The following TTYH2 variants were observed in gnomAD, a reference collection of about 807,000 sequenced individuals.
TTYH2 encodes protein tweety homolog 2.
Under a neutral mutation model 68.3 loss-of-function variants are expected in TTYH2, and 49 were observed. That is an observed-to-expected ratio of 0.72 (90% CI 0.57 to 0.91). The LOEUF (loss-of-function observed/expected upper bound fraction) is 0.91, where lower values mean the gene tolerates loss of function less well. Ranked by LOEUF, TTYH2 falls within the 40% of genes least tolerant of loss-of-function variation. The pLI, the probability that TTYH2 is intolerant of heterozygous loss-of-function variation, is 0.00. For synonymous variants in TTYH2, 272 were observed against 300.8 expected (o/e 0.90, Z 0.99); for missense variants, 631 against 700.4 (o/e 0.90, Z 1.12).
intron 2 of TTYH2, among the ~76,000 whole-genome samples, chr17:74,230,602 AC>A (rs2050378444): frequency 1.3e-5 from 2 of 151,480 alleles, no homozygotes; most frequent in Non-Finnish European, 2.9e-5. Context: ...TCTACTGTCC[AC>A]TTAATTTTGC....
At position 74,232,089 on chromosome 17, in the gene TTYH2, C is replaced by T. The variant is rs1295461205; in HGVS notation, c.414+1090C>T. ...ACACACGTCATTCTCACTCTAAGCACCAGACCTTTTCAGCTGCTTATCCGA... is the reference window on the plus strand; with the variant it reads ...ACACACGTCATTCTCACTCTAAGCATCAGACCTTTTCAGCTGCTTATCCGA... On this transcript the variant is annotated intron_variant, in intron 3 of 13. Transcript: ENST00000269346. The surrounding 1 kb of genome is among the most constrained non-coding windows in gnomAD (Gnocchi z 5.1). 2.0e-5 allele frequency among the ~76,000 whole-genome samples: 3 copies of T among 152,212 alleles called. No individual in the cohort carries two copies. Among genetic ancestry groups the T allele is most frequent in the African/African-American group, 7.2e-5 (3 of 41,452 alleles).
At chr17:74,253,701 A>ACACACCCCCACTCC in intron 12 of TTYH2, 54 bp from the exon 13 acceptor site, 4 of 1,577,262 alleles carry the variant, frequency 2.5e-6, no homozygotes, top group Non-Finnish European at 3.5e-6. Flanking sequence ...AGAAATCTAC[A>ACACACCCCCACTCC]CACACCCCCA....
chr17:74,250,987 G>T (rs570523082), intron 10 of TTYH2, among the ~76,000 whole-genome samples: 82 of 152,260 alleles, frequency 5.4e-4, no homozygotes, highest in African/African-American at 1.9e-3. Context: ...CTAGGAAATT[G>T]ACTTGCTTGT....
intron 2 of TTYH2, among the ~76,000 whole-genome samples, chr17:74,227,043 C>T (rs1162740854): frequency 6.6e-6 from 1 of 152,258 alleles, no homozygotes; most frequent in Non-Finnish European, 1.5e-5. Context: ...GGCACGATCT[C>T]AGCTCACTGC....
At chr17:74,250,165 C>A in intron 9 of TTYH2, 100 bp from the exon 10 acceptor site, 2 of 1,463,464 alleles carry the variant, frequency 1.4e-6, no homozygotes, top group Non-Finnish European at 1.9e-6. Flanking sequence ...CGGCTCCCTC[C>A]CTTGGCTCTA....
intron 3 of TTYH2, among the ~76,000 whole-genome samples, chr17:74,236,215 C>T (rs1221982003): frequency 1.3e-5 from 2 of 152,212 alleles, no homozygotes; most frequent in African/African-American, 4.8e-5. Context: ...CCTCCTGCCT[C>T]ATGTCCAGGC....
intron 13 of TTYH2, 29 bp downstream of exon 13, chr17:74,253,862 G>A (rs761193945): frequency 1.2e-6 from 2 of 1,611,232 alleles, no homozygotes; most frequent in South Asian, 1.1e-5. Flanking sequence ...CTTCCTTGTT[G>A]GGGTAATACA....
chr17:74,227,349 A>G (rs563739861), intron 2 of TTYH2, among the ~76,000 whole-genome samples: 1 of 152,306 alleles, frequency 6.6e-6, no homozygotes, highest in South Asian at 2.1e-4. Context: ...GCCCGAGAGA[A>G]TAGAAGGATG....
Position 74,215,425 on chromosome 17 carries a change from C to T in TTYH2, c.129+1709C>T, listed in dbSNP as rs1029366170. 1.3e-5 allele frequency among the ~76,000 whole-genome samples: 2 copies of T among 152,208 alleles called. No homozygotes were observed. Among genetic ancestry groups the T allele is most frequent in the African/African-American group, 4.8e-5 (2 of 41,462 alleles). ...ATCCTGGGCCTGCCCACAGCCCCCTCAGTCCCATGGGCAGGTGGCAGTTGA... is the reference window on the plus strand; with the variant it reads ...ATCCTGGGCCTGCCCACAGCCCCCTTAGTCCCATGGGCAGGTGGCAGTTGA... On this transcript the variant is annotated intron_variant, in intron 1 of 13. Transcript: ENST00000269346. This position sits in a 1 kb window ranked among gnomAD's most constrained non-coding sequence, Gnocchi z 4.3.
intron 4 of TTYH2, among the ~76,000 whole-genome samples, chr17:74,242,684 C>T (rs368848770): frequency 5.2e-4 from 79 of 152,306 alleles, no homozygotes; most frequent in Admixed American, 9.8e-4. Context: ...TGAGCCACTG[C>T]GCCTGTCCTG....
chr17:74,249,301 T>C (rs373839905), intron 7 of TTYH2, 43 bp from the exon 8 acceptor site: 3 of 1,613,246 alleles, frequency 1.9e-6, no homozygotes, highest in Non-Finnish European at 2.5e-6. Context: ...AGATCTCATC[T>C]GGTCATTTGT....
At position 74,222,412 on chromosome 17, in the gene TTYH2, C is replaced by G; in HGVS notation, c.130-73C>G. 6.7e-7 allele frequency: 1 copy of G among 1,497,316 alleles called. No individual in the cohort carries two copies. The highest frequency in any genetic ancestry group is 8.9e-7 in the Non-Finnish European group (1 of 1,119,856). The allele number at this position is 1,497,316 out of a possible 1,614,324, so 92.8% of individuals were successfully genotyped here. A position where few individuals can be genotyped will look rare whatever the true frequency, so the allele number is the denominator to read the frequency against. ...GCTCAGGCAGTGGGGCACTCAGGGC[C>G]CAAGGGCAGGGCACTTCCAGAGCCC... is the stretch of plus-strand genomic sequence containing the variant. On this transcript the variant is annotated intron_variant, in intron 1 of 13. Transcript: ENST00000269346. This position sits in a 1 kb window ranked among gnomAD's most constrained non-coding sequence, Gnocchi z 5.2.
chr17:74,227,127 A>G (rs2050338576), intron 2 of TTYH2, among the ~76,000 whole-genome samples: 1 of 152,118 alleles, frequency 6.6e-6, no homozygotes. Context: ...GGCACTCGCC[A>G]CCATGCCCCG....
At chr17:74,247,727 C>A (rs545420899) in intron 6 of TTYH2, among the ~76,000 whole-genome samples, 1 of 152,228 alleles carries the variant, frequency 6.6e-6, no homozygotes, top group Non-Finnish European at 1.5e-5. Flanking sequence ...TGGGGGCACA[C>A]CACCAGGCCT....
chr17:74,217,821 C>T lies in TTYH2; in HGVS notation c.129+4105C>T, dbSNP rs925587420. On this transcript the variant is annotated intron_variant, in intron 1 of 13. Coordinates refer to ENST00000269346, the MANE Select transcript of TTYH2 (RefSeq NM_032646.6). This position sits in a 1 kb window ranked among gnomAD's most constrained non-coding sequence, Gnocchi z 4.0. The stretch of plus-strand genomic sequence containing the variant: ...ACTTGGGTCCCAGCTTGGCACTCTC[C>T]GCTCTGGGTTTTTCATGACACAGTG... Among the ~76,000 whole-genome samples, 5 of 152,184 alleles carry T rather than the reference C, an allele frequency of 3.3e-5. No homozygotes were observed. Among genetic ancestry groups the T allele is most frequent in the South Asian group, 2.1e-4 (1 of 4,828 alleles).
At position 74,231,080 on chromosome 17, in the gene TTYH2, C is replaced by T. The variant is rs890153084; in HGVS notation, c.414+81C>T. 110 of 1,298,296 alleles carry T rather than the reference C, an allele frequency of 8.5e-5. No homozygotes were observed. The South Asian group carries it at 1.1e-3, about 13-fold the overall frequency. The allele number at this position is 1,298,296 out of a possible 1,614,324, so 80.4% of individuals were successfully genotyped here. A position where few individuals can be genotyped will look rare whatever the true frequency, so the allele number is the denominator to read the frequency against. On this transcript the variant is annotated intron_variant, in intron 3 of 13. Transcript: ENST00000269346. ...TCAGAGCAAGGGCCCCCGTCAGATC[C>T]CAGCTAGCTCAGCTGCACACGGAGG...
At chr17:74,219,219 A>C (rs2050251313) in intron 1 of TTYH2, among the ~76,000 whole-genome samples, 1 of 149,958 alleles carries the variant, frequency 6.7e-6, no homozygotes, top group Non-Finnish European at 1.5e-5. Flanking sequence ...CCGTCTCAAA[A>C]AAAAAAAAAG....
At chr17:74,219,166 G>A (rs1327033497) in intron 1 of TTYH2, among the ~76,000 whole-genome samples, 5 of 150,716 alleles carry the variant, frequency 3.3e-5, no homozygotes, top group Non-Finnish European at 4.4e-5. Context: ...ATAGTCAGCC[G>A]AGATCACGCT....
chr17:74,252,253 C>G lies in TTYH2; in HGVS notation c.1136C>G (p.Ala379Gly). ...GLHKDYLDALAGICYDGLQGL... is the reference protein window; with the variant it reads ...GLHKDYLDALGGICYDGLQGL... ...CTCCAGGATTATCTGGACGCTCTTGCTGGCATCTGCTACGACGGCCTCCAG... is the reference window on the plus strand; with the variant it reads ...CTCCAGGATTATCTGGACGCTCTTGGTGGCATCTGCTACGACGGCCTCCAG... The change falls in exon 11 of 14, where the codon GCT (alanine) becomes GGT (glycine). Residue 379 changes from alanine to glycine, a missense_variant. Physicochemically the swap from Ala to Gly is moderately conservative, Grantham distance 60. Transcript: ENST00000269346. The G allele has an allele frequency of 1.2e-6, 2 of 1,613,216 alleles. No individual in the cohort carries two copies. The highest frequency in any genetic ancestry group is 3.3e-5 in the Admixed American group (2 of 60,034).
Sources: gnomAD v4.1 joint callset for allele counts (sites outside exome capture counted in the v4.1 genomes callset) on GRCh38, gnomAD v4.1.1 for gene constraint, Gnocchi (gnomAD v3.1) non-coding constraint, MANE v1.5 for transcripts, NCBI Gene and HGNC (gene_info 2026-07-23, HGNC 2026-07-21) for gene names.